Variants in SCIN observed in about 807,000 individuals in gnomAD.
SCIN encodes the protein scinderin.
In SCIN, 91 loss-of-function variants were observed where a neutral mutation model predicts 91.8. That is an observed-to-expected ratio of 0.99 (90% CI 0.84 to 1.18). The LOEUF is 1.18. SCIN is among the 50% of genes most tolerant of loss of function. The probability of loss-of-function intolerance (pLI) is 0.00; values close to 1 mark genes in which losing one functional copy is unlikely to be tolerated. For synonymous variants in SCIN, 367 were observed against 312.6 expected (o/e 1.17, Z -1.84); for missense variants, 1,087 against 863.9 (o/e 1.26, Z -3.24).
chr7:12,648,409 A>G (rs1455562798), intron 13 of SCIN, among the ~76,000 whole-genome samples: 1 of 149,666 alleles, frequency 6.7e-6, no homozygotes, highest in African/African-American at 2.5e-5. Context: ...CAATTCTCCT[A>G]CATCAGCCTC....
intron 14 of SCIN, among the ~76,000 whole-genome samples, chr7:12,650,452 G>A (rs1287531391): frequency 6.6e-6 from 1 of 152,028 alleles, no homozygotes; most frequent in Non-Finnish European, 1.5e-5. Context: ...CTGTAATCAT[G>A]GGTACTTTTT....
chr7:12,595,883 G>A (rs1274180052), intron 3 of SCIN: 1 of 154,266 alleles, frequency 6.5e-6, no homozygotes, highest in African/African-American at 2.4e-5. Context: ...CCAGTAGAAG[G>A]TATCCAAATT....
intron 3 of SCIN, among the ~76,000 whole-genome samples, chr7:12,583,202 TCTAA>T (rs1337961542): frequency 6.6e-6 from 1 of 152,208 alleles, no homozygotes; most frequent in Non-Finnish European, 1.5e-5. Context: ...AATTCAGCTT[TCTAA>T]CTATCTGCTA....
At chr7:12,577,598 C>T (rs1413677711) in intron 1 of SCIN, 5 of 456,148 alleles carry the variant, frequency 1.1e-5, no homozygotes, top group Non-Finnish European at 2.2e-5. Flanking sequence ...TACCTGTAAT[C>T]CCCAACAATT....
intron 9 of SCIN, among the ~76,000 whole-genome samples, chr7:12,632,964 A>T (rs572188639): frequency 6.6e-6 from 1 of 152,312 alleles, no homozygotes; most frequent in South Asian, 2.1e-4. Context: ...CACCATTTGA[A>T]ATCATGGATG....
At chr7:12,588,956 G>GA (rs1782656116) in intron 3 of SCIN, 1 of 153,050 alleles carries the variant, frequency 6.5e-6, no homozygotes. Flanking sequence ...TGGTTGGGGG[G>GA]AGAGGCTGGG....
intron 3 of SCIN, chr7:12,596,275 T>G (rs990248276): frequency 2.3e-6 from 1 of 436,436 alleles, no homozygotes; most frequent in Non-Finnish European, 4.6e-6. Flanking sequence ...TCCAGTGGCG[T>G]GTCCCCAGAA....
chr7:12,594,770 A>G (rs867784772), intron 3 of SCIN, among the ~76,000 whole-genome samples: 21 of 152,098 alleles, frequency 1.4e-4, no homozygotes, highest in African/African-American at 4.8e-4. Flanking sequence ...CTTGTATGGA[A>G]TAGAGGAGGT....
rs191094873 is a variant in SCIN, at chr7:12,636,073, C to A, written c.1348C>A (p.Leu450Met). The A allele has an allele frequency of 3.9e-5, 63 of 1,613,116 alleles. No homozygotes were observed. The East Asian group carries it at 1.4e-3, about 36-fold the overall frequency. ...AGGAGCAAATGCCACACGAGATGAG[C>A]TGACAACATCTGCGTTCCTGACTGT... ...WQGANATRDE[L>M]TTSAFLTVQL... is the part of the protein sequence containing the mutation. Residue 450 changes from leucine (L) to methionine (M), a missense_variant, in exon 10 of 16, where the codon CTG (leucine) becomes ATG (methionine). By Grantham distance (15) the Leu-to-Met change is conservative. Transcript: ENST00000297029.
rs117875573 is a variant in SCIN at position 12,645,630 on chromosome 7, G to A, written c.1881+925G>A. On this transcript the variant is annotated intron_variant, in intron 13 of 15. Transcript: ENST00000297029. Reference sequence around the variant, plus strand: ...TATCCATTAGTTATTTTTCCTGATCGTCTCCCTCATCCCACCTTCCACCTT... The same window carrying A: ...TATCCATTAGTTATTTTTCCTGATCATCTCCCTCATCCCACCTTCCACCTT... Among the ~76,000 whole-genome samples the A allele has an allele frequency of 3.0e-4, 45 of 152,066 alleles. 2 individuals carry two copies. The East Asian group carries it at 8.5e-3, about 29-fold the overall frequency.
intron 3 of SCIN, 50 bp from the exon 4 acceptor site, chr7:12,604,464 A>G (rs900721011): frequency 7.3e-6 from 11 of 1,502,940 alleles, no homozygotes; most frequent in Non-Finnish European, 9.0e-6. Flanking sequence ...ACTGAGGCTG[A>G]ATGTCTTCCT....
chr7:12,585,606 CTT>C (rs1305528487), intron 3 of SCIN, among the ~76,000 whole-genome samples: 1 of 152,122 alleles, frequency 6.6e-6, no homozygotes, highest in Non-Finnish European at 1.5e-5. Flanking sequence ...CTCTAATTGT[CTT>C]TATCTTATTA....
Position 12,652,859 on chromosome 7 carries a change from T to C in SCIN, c.*144T>C. 1 of 947,388 alleles carries C rather than the reference T, an allele frequency of 1.1e-6. No individual in the cohort carries two copies. Among genetic ancestry groups the C allele is most frequent in the Non-Finnish European group, 1.5e-6 (1 of 647,238 alleles). 58.7% of individuals were successfully genotyped at this position (947,388 alleles called of 1,614,324 possible). ...TGGCTCACACCTGTAATCCCAGCAC[T>C]TTGAGAGGATGAGGTAGGCGGATCA... On this transcript the variant is annotated 3_prime_UTR_variant, in exon 16 of 16. Transcript: ENST00000297029.
chr7:12,658,131 A>G lies in SCIN; in HGVS notation c.*5416A>G, dbSNP rs1695180513. The G allele has an allele frequency of 6.6e-6, 1 of 152,250 alleles. No homozygotes were observed. The highest frequency in any genetic ancestry group is 2.1e-4 in the South Asian group (1 of 4,832). 9.4% of individuals were successfully genotyped at this position (152,250 alleles called of 1,614,324 possible). ...ATCTAAGGTTTTAATAATTCATGAA[A>G]TAAAACTAATGTTGATGTTATCCAA... On this transcript the variant is annotated 3_prime_UTR_variant, in exon 16 of 16. Coordinates refer to ENST00000297029, the MANE Select transcript of SCIN (RefSeq NM_001112706.3).
In SCIN at chr7:12,651,714, C is replaced by T. The variant is rs999674741; in HGVS notation, c.1960-127C>T. The T allele has an allele frequency of 4.9e-6, 3 of 616,660 alleles. No homozygotes were observed. The African/African-American group carries it at 5.6e-5, about 12-fold the overall frequency. The allele number at this position is 616,660 out of a possible 1,614,324, so 38.2% of individuals were successfully genotyped here. A position where few individuals can be genotyped will look rare whatever the true frequency, so the allele number is the denominator to read the frequency against. ...GTACCTCTCTGGGCCACCACCTCCA[C>T]GTCCCTAACTTCTGCGGATATTGTG... On this transcript the variant is annotated intron_variant, in intron 14 of 15. Coordinates refer to ENST00000297029, the MANE Select transcript of SCIN (RefSeq NM_001112706.3). The surrounding 1 kb of genome is among the most constrained non-coding windows in gnomAD (Gnocchi z 5.9).
chr7:12,578,013 T>C, intron 1 of SCIN, 51 bp from the exon 2 acceptor site: 1 of 1,468,666 alleles, frequency 6.8e-7, no homozygotes, highest in Non-Finnish European at 9.1e-7. Flanking sequence ...AAATTCTGCC[T>C]TAATCCTTTC....
Position 12,651,668 on chromosome 7 carries a change from G to A in SCIN, c.1960-173G>A, listed in dbSNP as rs1293672653. On this transcript the variant is annotated intron_variant, in intron 14 of 15. Transcript: ENST00000297029. This position sits in a 1 kb window ranked among gnomAD's most constrained non-coding sequence, Gnocchi z 5.9. ...TAGATTTAGGTGTCTCCTGATGAGT[G>A]TGAACACTGGGAAAGTGATGGTACC... Among the ~76,000 whole-genome samples, 7 of 152,258 alleles carry A rather than the reference G, an allele frequency of 4.6e-5. No homozygotes were observed. Among genetic ancestry groups the A allele is most frequent in the African/African-American group, 1.7e-4 (7 of 41,548 alleles).
Position 12,584,461 on chromosome 7 carries a change from T to C in SCIN, c.516+3240T>C, listed in dbSNP as rs527319561. On this transcript the variant is annotated intron_variant, in intron 3 of 15. Coordinates refer to ENST00000297029, the MANE Select transcript of SCIN (RefSeq NM_001112706.3). ...CTTTTTTGATCAACAGTCACTATTA[T>C]TAATATGTTATTCCATATTGTCCTT... Among the ~76,000 whole-genome samples the C allele has an allele frequency of 5.9e-5, 9 of 152,364 alleles. No individual in the cohort carries two copies. The South Asian group carries it at 1.7e-3, about 28-fold the overall frequency.
chr7:12,593,073 A>G (rs1383468951), intron 3 of SCIN, among the ~76,000 whole-genome samples: 2 of 152,180 alleles, frequency 1.3e-5, no homozygotes, highest in African/African-American at 4.8e-5. Context: ...ATCTGTTGAG[A>G]GGACAGTCAG....
Sources: gnomAD v4.1 joint callset for allele counts (sites outside exome capture counted in the v4.1 genomes callset) on GRCh38, gnomAD v4.1.1 for gene constraint, Gnocchi (gnomAD v3.1) non-coding constraint, MANE v1.5 for transcripts, NCBI Gene and HGNC (gene_info 2026-07-23, HGNC 2026-07-21) for gene names.